The following SNX5 variants were observed in gnomAD, a reference collection of about 807,000 sequenced individuals.
SNX5 encodes the protein sorting nexin-5.
A neutral mutation model predicts 53.9 loss-of-function variants in SNX5; 31 were observed. That is an observed-to-expected ratio of 0.58 (90% confidence interval 0.43 to 0.78). SNX5 has a LOEUF of 0.78. Ranked by LOEUF, SNX5 falls within the 30% of genes least tolerant of loss-of-function variation. The pLI is 0.00. For missense variants in SNX5, 471 were observed against 478.8 expected (o/e 0.98, Z 0.15); for synonymous variants, 168 against 171.1 (o/e 0.98, Z 0.14).
Position 17,957,051 on chromosome 20 carries a change from T to C in SNX5, c.52-14A>G, listed in dbSNP as rs753217633. On this transcript the variant is annotated splice_polypyrimidine_tract_variant and intron_variant, in intron 1 of 12. Transcript: ENST00000377759. ...TACAGATCTCAGCTGAAATACATTT[T>C]TTGCGTATTAGTTTCAAACTCATTT... is the stretch of plus-strand genomic sequence containing the variant. 19 of 1,474,644 alleles carry C rather than the reference T, an allele frequency of 1.3e-5. No homozygotes were observed. The Admixed American group carries it at 2.7e-4, about 21-fold the overall frequency. The allele number at this position is 1,474,644 out of a possible 1,614,324, so 91.3% of individuals were successfully genotyped here.
chr20:17,965,676 A>C (rs2035525845), intron 1 of SNX5, among the ~76,000 whole-genome samples: 1 of 151,712 alleles, frequency 6.6e-6, no homozygotes, highest in Admixed American at 6.6e-5. Flanking sequence ...GTCTCAAAAA[A>C]AAAAAAAAAA....
At chr20:17,966,560 C>T (rs1038333333) in intron 1 of SNX5, among the ~76,000 whole-genome samples, 4 of 152,142 alleles carry the variant, frequency 2.6e-5, no homozygotes, top group Non-Finnish European at 4.4e-5. Flanking sequence ...ACACAGTATT[C>T]CCTTTCAGTT....
chr20:17,962,718 A>AT (rs747889401), intron 1 of SNX5: 3 of 518,804 alleles, frequency 5.8e-6, no homozygotes, highest in Admixed American at 3.9e-5. Context: ...AAGTGATCAG[A>AT]TTTTCACCAC....
intron 1 of SNX5, among the ~76,000 whole-genome samples, chr20:17,966,029 GTACT>G (rs2035531392): frequency 6.6e-6 from 1 of 152,116 alleles, no homozygotes; most frequent in Admixed American, 6.5e-5. Flanking sequence ...CAGAGCAGCA[GTACT>G]TAGTCTACAA....
At chr20:17,951,213 T>C in intron 6 of SNX5, 1 of 345,664 alleles carries the variant, frequency 2.9e-6, no homozygotes, top group Non-Finnish European at 5.4e-6. Context: ...AAAATACTGA[T>C]CTTGTACTTT....
At position 17,942,267 on chromosome 20, in the gene SNX5, A is replaced by G; in HGVS notation, c.*90T>C. On this transcript the variant is annotated 3_prime_UTR_variant, in exon 13 of 13. Coordinates refer to ENST00000377759, the MANE Select transcript of SNX5 (RefSeq NM_014426.4). ...TCACATAATTTTAAACTAAAGTTGA[A>G]GCTAATATATCTTCCGTGGTAATGA... 4 of 798,594 alleles carry G rather than the reference A, an allele frequency of 5.0e-6. No homozygotes were observed. The highest frequency in any genetic ancestry group is 2.9e-5 in the South Asian group (2 of 68,926). 49.5% of individuals were successfully genotyped at this position (798,594 alleles called of 1,614,324 possible). A position where few individuals can be genotyped will look rare whatever the true frequency, so the allele number is the denominator to read the frequency against.
chr20:17,945,090 A>C (rs972763949), intron 11 of SNX5: 2 of 152,236 alleles, frequency 1.3e-5, no homozygotes, highest in Non-Finnish European at 2.9e-5. Context: ...AAGAACTACA[A>C]TACAAGCAGC....
chr20:17,942,963 C>A (rs1600328761), intron 12 of SNX5, 147 bp downstream of exon 12: 5 of 563,094 alleles, frequency 8.9e-6, no homozygotes, highest in East Asian at 3.0e-5. Flanking sequence ...TACAAATAAA[C>A]AATGAGTGGC....
intron 1 of SNX5, chr20:17,961,259 ACT>A (rs1212063324): frequency 2.0e-6 from 2 of 985,130 alleles, no homozygotes; most frequent in Non-Finnish European, 2.4e-6. Context: ...TTCACTTACG[ACT>A]CTACCAGCAA....
rs905507675 is a variant in SNX5, at chr20:17,942,271, A to G, written c.*86T>C. ...ATAATTTTAAACTAAAGTTGAAGCT[A>G]ATATATCTTCCGTGGTAATGATTTA... On this transcript the variant is annotated 3_prime_UTR_variant, in exon 13 of 13. Coordinates refer to ENST00000377759, the MANE Select transcript of SNX5 (RefSeq NM_014426.4). 61 of 829,292 alleles carry G rather than the reference A, an allele frequency of 7.4e-5. No individual in the cohort carries two copies. Among genetic ancestry groups the G allele is most frequent in the Non-Finnish European group, 1.1e-4 (52 of 476,038 alleles). 51.4% of individuals were successfully genotyped at this position (829,292 alleles called of 1,614,324 possible).
intron 1 of SNX5, chr20:17,967,616 T>C (rs767661832): frequency 3.1e-4 from 47 of 154,048 alleles, no homozygotes; most frequent in East Asian, 5.7e-4. Flanking sequence ...GCAAGAAAGG[T>C]TGCTCGCAAA....
At chr20:17,967,322 G>A (rs1600362765) in intron 1 of SNX5, among the ~76,000 whole-genome samples, 1 of 136,802 alleles carries the variant, frequency 7.3e-6, no homozygotes, top group East Asian at 2.4e-4. Context: ...TTTCCACTTT[G>A]TTTTAGTAAT....
intron 1 of SNX5, chr20:17,968,117 C>T (rs749786663): frequency 5.0e-6 from 2 of 399,158 alleles, no homozygotes; most frequent in Non-Finnish European, 8.8e-6. Flanking sequence ...CAAGTCCGCT[C>T]GGCACCGGCG....
At chr20:17,965,078 C>T (rs1248348873) in intron 1 of SNX5, among the ~76,000 whole-genome samples, 1 of 152,158 alleles carries the variant, frequency 6.6e-6, no homozygotes, top group Non-Finnish European at 1.5e-5. Flanking sequence ...AATAGAAAAC[C>T]TGAAAAATTC....
In SNX5 at chr20:17,942,115, A is replaced by G; in HGVS notation, c.*242T>C. On this transcript the variant is annotated 3_prime_UTR_variant, in exon 13 of 13. Coordinates refer to ENST00000377759, the MANE Select transcript of SNX5 (RefSeq NM_014426.4). ...CTAAAGACGAACTACGGGAGAACCC[A>G]GTATTTGGATTCTGCCCAGAGGTAT... 2 of 464,618 alleles carry G rather than the reference A, an allele frequency of 4.3e-6. No homozygotes were observed. Among genetic ancestry groups the G allele is most frequent in the Non-Finnish European group, 3.9e-6 (1 of 255,774 alleles). 28.8% of individuals were successfully genotyped at this position (464,618 alleles called of 1,614,324 possible). A position where few individuals can be genotyped will look rare whatever the true frequency, so the allele number is the denominator to read the frequency against.
rs1341433087 is a variant in SNX5, at chr20:17,948,914, G to A, written c.894C>T (p.Tyr298=). 3 of 1,611,894 alleles carry A rather than the reference G, an allele frequency of 1.9e-6. No homozygotes were observed. The highest frequency in any genetic ancestry group is 1.1e-5 in the South Asian group (1 of 91,000). The change falls in exon 10 of 13, where the codon TAC becomes TAT. Residue 298 remains tyrosine, a synonymous_variant. Coordinates refer to ENST00000377759, the MANE Select transcript of SNX5 (RefSeq NM_014426.4). ...CCTTAGCAGCTTCAATGTTGAGCAT[G>A]TAGTATCGGAGGAGCTCTGTTAGCT... The part of the protein sequence containing the change: ...DLKLTELLRY[Y]MLNIEAAKDL...
At chr20:17,964,311 G>A (rs537574943) in intron 1 of SNX5, among the ~76,000 whole-genome samples, 2 of 148,182 alleles carry the variant, frequency 1.3e-5, no homozygotes, top group African/African-American at 2.4e-5. Context: ...TTCAGAAACT[G>A]AGCTTTTCAG....
intron 1 of SNX5, among the ~76,000 whole-genome samples, chr20:17,966,087 C>T (rs755050069): frequency 2.0e-5 from 3 of 152,022 alleles, no homozygotes; most frequent in African/African-American, 4.8e-5. Context: ...TCACCAAAGT[C>T]CCTGTAACCA....
Position 17,947,597 on chromosome 20 carries a change from T to C in SNX5, c.967A>G (p.Asn323Asp). ...TKALIDYENSNKALDKARLKS... is the reference protein window; with the variant it reads ...TKALIDYENSDKALDKARLKS... ...AACCGGGCCTTATCCAGAGCTTTGT[T>C]TGAGTTCTCATAGTCAATGAGGGCT... The change falls in exon 11 of 13, where the codon AAC becomes GAC. Residue 323 changes from asparagine to aspartate, a missense_variant. Transcript: ENST00000377759. The C allele has an allele frequency of 1.2e-6, 2 of 1,614,084 alleles. No homozygotes were observed. The highest frequency in any genetic ancestry group is 8.5e-7 in the Non-Finnish European group (1 of 1,179,940).
Sources: allele counts gnomAD v4.1 joint callset (sites outside exome capture counted in the v4.1 genomes callset), GRCh38; gene constraint gnomAD v4.1.1; transcripts MANE v1.5; gene names NCBI Gene and HGNC (gene_info 2026-07-23, HGNC 2026-07-21).